RAB11FIP3: variants seen among roughly 807,000 people sequenced by gnomAD.
RAB11FIP3 encodes rab11 family-interacting protein 3.
RAB11FIP3 carries 17 observed loss-of-function variants against 77.8 expected under a neutral mutation model. That is an observed-to-expected ratio of 0.22 (90% confidence interval 0.15 to 0.33). The LOEUF is 0.33. Among genes scored for constraint, RAB11FIP3 ranks in the 10% least tolerant of loss-of-function variants. The probability of loss-of-function intolerance (pLI) is 1.00; values close to 1 mark genes in which losing one functional copy is unlikely to be tolerated. For missense variants in RAB11FIP3, 1,005 were observed against 1,011.2 expected (o/e 0.99, Z 0.08); for synonymous variants, 437 against 448.2 (o/e 0.98, Z 0.31).
chr16:430,469 G>A (rs1300312322), intron 1 of RAB11FIP3, among the ~76,000 whole-genome samples: 2 of 152,162 alleles, frequency 1.3e-5, no homozygotes, highest in Admixed American at 1.3e-4. Context: ...CGAAGGAAGT[G>A]TCGATGCTCA....
rs2055609713 is a variant in RAB11FIP3, at chr16:461,704, TAAC to T, written c.808+208_808+210del. 6.6e-6 allele frequency among the ~76,000 whole-genome samples: 1 copy of T among 152,160 alleles called. No homozygotes were observed. The highest frequency in any genetic ancestry group is 1.5e-5 in the Non-Finnish European group (1 of 68,032). On this transcript the variant is annotated intron_variant, in intron 2 of 13. Transcript: ENST00000262305. This position sits in a 1 kb window ranked among gnomAD's most constrained non-coding sequence, Gnocchi z 4.5. ...CCCTGTTTTCCAGAATTTGCTGCGT[TAAC>T]TACTTTTCCATAATGCTAGAAAGCA...
At chr16:517,868 G>A (rs2032489742) in intron 9 of RAB11FIP3, among the ~76,000 whole-genome samples, 1 of 152,160 alleles carries the variant, frequency 6.6e-6, no homozygotes, top group Non-Finnish European at 1.5e-5. Flanking sequence ...GGATCACCAG[G>A]TCAGGAAATT....
intron 3 of RAB11FIP3, among the ~76,000 whole-genome samples, chr16:478,195 C>CTT (rs570923279): frequency 2.2e-4 from 31 of 140,168 alleles, no homozygotes; most frequent in African/African-American, 5.5e-4. Context: ...CTGTCTACTT[C>CTT]TTTTTTTTTT....
At chr16:484,993 G>T (rs1488039463) in intron 4 of RAB11FIP3, among the ~76,000 whole-genome samples, 3 of 152,118 alleles carry the variant, frequency 2.0e-5, no homozygotes, top group African/African-American at 7.2e-5. Context: ...GGCATGCAGA[G>T]ACCCTGCCAC....
chr16:450,079 G>A (rs553430525), intron 1 of RAB11FIP3, among the ~76,000 whole-genome samples: 6 of 152,122 alleles, frequency 3.9e-5, no homozygotes, highest in Non-Finnish European at 8.8e-5. Flanking sequence ...TCTAGTCTTG[G>A]CACACCTTCC....
rs766475308 is a variant in RAB11FIP3 at position 485,206 on chromosome 16, C to T, written c.1115+2470C>T. ...AGCCAAAGGCACGTGGGTCAGTGAG[C>T]GTGGCTGTGTCCCAGTGAAACAATT... On this transcript the variant is annotated intron_variant, in intron 4 of 13. Transcript: ENST00000262305. 3.3e-5 allele frequency among the ~76,000 whole-genome samples: 5 copies of T among 152,212 alleles called. No individual in the cohort carries two copies. In the South Asian group the frequency reaches 1.0e-3, roughly 32 times the overall value.
intron 3 of RAB11FIP3, among the ~76,000 whole-genome samples, chr16:473,967 T>C (rs1014048364): frequency 5.3e-5 from 8 of 152,200 alleles, no homozygotes; most frequent in African/African-American, 1.2e-4. Flanking sequence ...CAGATGCGCC[T>C]CTTTCCCTTA....
Position 519,884 on chromosome 16 carries a change from C to A in RAB11FIP3, c.1853C>A (p.Thr618Asn). The change falls in exon 11 of 14, where the codon ACC becomes AAC. Residue 618 changes from threonine to asparagine, a missense_variant. This residue lies in a region of RAB11FIP3 where 433 missense variants were observed against 436.1 expected (regional missense o/e 0.99). Coordinates refer to ENST00000262305, the MANE Select transcript of RAB11FIP3 (RefSeq NM_014700.4). ...RHQFQRDKEA[T>N]QELIEDLRKQ... ...CAGTTCCAGAGGGACAAGGAGGCCA[C>A]CCAGGAGGTGAGCACCCACCCTGCC... 6.3e-7 allele frequency: 1 copy of A among 1,586,566 alleles called. No individual in the cohort carries two copies.
At chr16:464,821 G>A (rs1312814072) in intron 2 of RAB11FIP3, among the ~76,000 whole-genome samples, 1 of 152,160 alleles carries the variant, frequency 6.6e-6, no homozygotes, top group Non-Finnish European at 1.5e-5. Flanking sequence ...GGAGGTGGAG[G>A]CTGCAGTGAG....
At chr16:466,319 A>G (rs1272069958) in intron 2 of RAB11FIP3, among the ~76,000 whole-genome samples, 7 of 152,190 alleles carry the variant, frequency 4.6e-5, no homozygotes, top group Non-Finnish European at 8.8e-5. Flanking sequence ...TGGGAACAGC[A>G]GTGGCCCCGG....
chr16:477,619 C>T, intron 3 of RAB11FIP3: 1 of 985,424 alleles, frequency 1.0e-6, no homozygotes, highest in Non-Finnish European at 1.2e-6. Context: ...GGGCCCTGGG[C>T]CCTGCCGTCC....
chr16:471,958 C>T lies in RAB11FIP3; in HGVS notation c.903+569C>T, dbSNP rs927701973. 1.9e-4 allele frequency among the ~76,000 whole-genome samples: 29 copies of T among 152,168 alleles called. No homozygotes were observed. Among genetic ancestry groups the T allele is most frequent in the Admixed American group, 5.9e-4 (9 of 15,282 alleles). ...GGAGGGTTAGATTCCAGGAGAGCCACGTGGCTGCAGCAGAAAATGCATGAA... is the reference window on the plus strand; with the variant it reads ...GGAGGGTTAGATTCCAGGAGAGCCATGTGGCTGCAGCAGAAAATGCATGAA... On this transcript the variant is annotated intron_variant, in intron 3 of 13. Coordinates refer to ENST00000262305, the MANE Select transcript of RAB11FIP3 (RefSeq NM_014700.4). This position sits in a 1 kb window ranked among gnomAD's most constrained non-coding sequence, Gnocchi z 4.4.
chr16:519,158 G>A, intron 10 of RAB11FIP3, 134 bp downstream of exon 10: 1 of 918,456 alleles, frequency 1.1e-6, no homozygotes, highest in Non-Finnish European at 1.7e-6. Flanking sequence ...GCCAGCTCAG[G>A]GCCCAGGCCG....
At chr16:513,691 C>T (rs2032284564) in intron 9 of RAB11FIP3, among the ~76,000 whole-genome samples, 1 of 152,184 alleles carries the variant, frequency 6.6e-6, no homozygotes, top group Admixed American at 6.5e-5. Flanking sequence ...GTGTTCCTTC[C>T]AGCTCTTAAA....
intron 1 of RAB11FIP3, among the ~76,000 whole-genome samples, chr16:452,190 CT>C (rs1474305346): frequency 6.6e-6 from 1 of 151,296 alleles, no homozygotes; most frequent in African/African-American, 2.4e-5. Flanking sequence ...AAAAAATCAG[CT>C]GGGCATAGTG....
At position 426,547 on chromosome 16, in the gene RAB11FIP3, C is replaced by T. The variant is rs2054947383; in HGVS notation, c.541C>T (p.Pro181Ser). 7.6e-6 allele frequency: 12 copies of T among 1,577,916 alleles called. No homozygotes were observed. In the East Asian group the frequency reaches 1.9e-4, roughly 25 times the overall value. The part of the protein sequence containing the change: ...ELALEQGPGS[P>S]PQPSDLSQTH... ...GGCGCTGGAGCAAGGTCCCGGGTCC[C>T]CGCCGCAGCCCTCGGACCTCAGCCA... The change falls in exon 1 of 14, where the codon CCG becomes TCG. Residue 181 changes from proline (P) to serine (S), a missense_variant. By Grantham distance (74) the Pro-to-Ser change is moderately conservative (BLOSUM62 -1). This residue lies in a region of RAB11FIP3 where 466 missense variants were observed against 408.3 expected (regional missense o/e 1.14). Transcript: ENST00000262305. This position sits in a 1 kb window ranked among gnomAD's most constrained non-coding sequence, Gnocchi z 5.0.
chr16:463,765 ACTGT>A (rs1336616413), intron 2 of RAB11FIP3, among the ~76,000 whole-genome samples: 2 of 151,870 alleles, frequency 1.3e-5, no homozygotes, highest in Non-Finnish European at 1.5e-5. Context: ...TCTTTATTTG[ACTGT>A]CTGTTCTTCC....
At chr16:498,042 A>T (rs548088652) in intron 6 of RAB11FIP3, among the ~76,000 whole-genome samples, 2 of 151,718 alleles carry the variant, frequency 1.3e-5, no homozygotes, top group East Asian at 3.9e-4. Flanking sequence ...GTGGCAATTC[A>T]TAGGTGCAAG....
chr16:473,868 G>A (rs2055853072), intron 3 of RAB11FIP3, among the ~76,000 whole-genome samples: 1 of 152,018 alleles, frequency 6.6e-6, no homozygotes, highest in South Asian at 2.1e-4. Flanking sequence ...CCTCACACCA[G>A]CCCCCACAAC....
Sources: gnomAD v4.1 joint callset for allele counts (sites outside exome capture counted in the v4.1 genomes callset) on GRCh38, gnomAD v4.1.1 for gene constraint, gnomAD v4.1.1 regional missense constraint, Gnocchi (gnomAD v3.1) non-coding constraint, MANE v1.5 for transcripts, NCBI Gene and HGNC (gene_info 2026-07-23, HGNC 2026-07-21) for gene names.